Variants in SHROOM3 observed in about 807,000 individuals in gnomAD.
SHROOM3 encodes shroom family member 3.
In SHROOM3, 47 loss-of-function variants were observed where a neutral mutation model predicts 138.6. That is an observed-to-expected ratio of 0.34 (90% CI 0.27 to 0.43). SHROOM3 has a LOEUF of 0.43. Among genes scored for constraint, SHROOM3 ranks in the 20% least tolerant of loss-of-function variants. SHROOM3 has a pLI of 1.00. For missense variants in SHROOM3, 2,491 were observed against 2,596.5 expected (o/e 0.96, Z 0.88); for synonymous variants, 1,062 against 1,063.3 (o/e 1.00, Z 0.02).
chr4:76,534,096 C>T (rs1732889352), intron 1 of SHROOM3, among the ~76,000 whole-genome samples: 1 of 152,158 alleles, frequency 6.6e-6, no homozygotes, highest in South Asian at 2.1e-4. Context: ...AAAGACCTGG[C>T]CCAGTGCCTG....
chr4:76,765,610 G>C (rs530626654), intron 9 of SHROOM3, among the ~76,000 whole-genome samples: 1 of 152,266 alleles, frequency 6.6e-6, no homozygotes, highest in East Asian at 1.9e-4. Flanking sequence ...GACACACAGA[G>C]GCCAACTGTG....
intron 1 of SHROOM3, among the ~76,000 whole-genome samples, chr4:76,491,711 G>A (rs1012383143): frequency 7.9e-5 from 12 of 152,108 alleles, no homozygotes; most frequent in African/African-American, 2.9e-4. Flanking sequence ...CACCAGGACC[G>A]TCTGCCTCTC....
At chr4:76,553,256 GT>G (rs2110028020) in intron 1 of SHROOM3, among the ~76,000 whole-genome samples, 1 of 152,120 alleles carries the variant, frequency 6.6e-6, no homozygotes, top group African/African-American at 2.4e-5. Context: ...CCACCTCCTG[GT>G]TTCTTTTCTT....
chr4:76,688,714 TG>T, intron 2 of SHROOM3: 1 of 985,366 alleles, frequency 1.0e-6, no homozygotes, highest in Non-Finnish European at 1.2e-6. Context: ...GCAAAACAAA[TG>T]CAAATGGATA....
chr4:76,745,873 T>C (rs576413164), intron 5 of SHROOM3, among the ~76,000 whole-genome samples: 2 of 152,290 alleles, frequency 1.3e-5, no homozygotes, highest in East Asian at 3.9e-4. Context: ...CCCAGCTACT[T>C]GGGAGACTGA....
At chr4:76,609,817 G>C (rs1388660985) in intron 2 of SHROOM3, among the ~76,000 whole-genome samples, 1 of 152,112 alleles carries the variant, frequency 6.6e-6, no homozygotes, top group Non-Finnish European at 1.5e-5. Flanking sequence ...TATTCTGTCT[G>C]GAAGTAACAA....
intron 1 of SHROOM3, among the ~76,000 whole-genome samples, chr4:76,551,014 A>G (rs1255052568): frequency 6.7e-6 from 1 of 150,226 alleles, no homozygotes; most frequent in Non-Finnish European, 1.5e-5. Context: ...GCTAGGATGA[A>G]TTTTTTTTCG....
At chr4:76,493,224 CAAAAAAAAAA>C (rs35837765) in intron 1 of SHROOM3, among the ~76,000 whole-genome samples, 2 of 56,550 alleles carry the variant, frequency 3.5e-5, no homozygotes, top group African/African-American at 1.2e-4. Flanking sequence ...AACTCCATCT[CAAAAAAAAAA>C]AAAAAAAAAA....
At chr4:76,774,204 A>C (rs1262563347) in intron 10 of SHROOM3, among the ~76,000 whole-genome samples, 1 of 152,228 alleles carries the variant, frequency 6.6e-6, no homozygotes, top group Admixed American at 6.5e-5. Flanking sequence ...TATCTGAGAC[A>C]AGAAAGACTG....
At chr4:76,695,492 A>C (rs1041653760) in intron 2 of SHROOM3, among the ~76,000 whole-genome samples, 3 of 152,204 alleles carry the variant, frequency 2.0e-5, no homozygotes, top group African/African-American at 7.2e-5. Flanking sequence ...TGGATATTTC[A>C]TATTTCCTAT....
At chr4:76,666,609 A>G (rs973419468) in intron 2 of SHROOM3, among the ~76,000 whole-genome samples, 1 of 152,200 alleles carries the variant, frequency 6.6e-6, no homozygotes, top group African/African-American at 2.4e-5. Context: ...TTTTTTAAAA[A>G]GAGGAAATGC....
At chr4:76,729,302 C>G (rs373598184) in intron 3 of SHROOM3, among the ~76,000 whole-genome samples, 2 of 152,112 alleles carry the variant, frequency 1.3e-5, no homozygotes, top group East Asian at 1.9e-4. Context: ...GCCTCTCTCC[C>G]TCTCTTGAGA....
chr4:76,627,787 C>T (rs1735189734), intron 2 of SHROOM3, among the ~76,000 whole-genome samples: 1 of 152,022 alleles, frequency 6.6e-6, no homozygotes, highest in African/African-American at 2.4e-5. Flanking sequence ...ATCCTCCTGC[C>T]TCAGCCTCCC....
Position 76,710,298 on chromosome 4 carries a change from CG to C in SHROOM3, c.455+13del. ...TCGGCTGAAGCACAGGTAAGACGCA[CG>C]GAAGTTGGTGCTGGCAGTTCGGAAA... On this transcript the variant is annotated intron_variant, in intron 3 of 10. Coordinates refer to ENST00000296043, the MANE Select transcript of SHROOM3 (RefSeq NM_020859.4). 6.2e-7 allele frequency: 1 copy of C among 1,613,598 alleles called. No individual in the cohort carries two copies. The highest frequency in any genetic ancestry group is 8.5e-7 in the Non-Finnish European group (1 of 1,179,786).
intron 1 of SHROOM3, among the ~76,000 whole-genome samples, chr4:76,548,461 G>T (rs1733273746): frequency 6.6e-6 from 1 of 152,168 alleles, no homozygotes; most frequent in Non-Finnish European, 1.5e-5. Context: ...AAAGAGATGG[G>T]CCTGGCTTTC....
intron 4 of SHROOM3, among the ~76,000 whole-genome samples, chr4:76,732,374 T>C (rs1314825727): frequency 1.8e-4 from 28 of 152,198 alleles, no homozygotes; most frequent in Admixed American, 7.9e-4. Flanking sequence ...TTAATACTCA[T>C]GTCTGGTCAA....
At chr4:76,616,889 T>C (rs1734894515) in intron 2 of SHROOM3, among the ~76,000 whole-genome samples, 2 of 152,210 alleles carry the variant, frequency 1.3e-5, no homozygotes, top group South Asian at 2.1e-4. Flanking sequence ...GGTCTACCAA[T>C]TGGACTTCCC....
chr4:76,592,608 A>G lies in SHROOM3; in HGVS notation c.323+36845A>G, dbSNP rs1281883589. Among the ~76,000 whole-genome samples the G allele has an allele frequency of 3.9e-5, 6 of 152,326 alleles. No homozygotes were observed. The East Asian group carries it at 1.2e-3, about 29-fold the overall frequency. On this transcript the variant is annotated intron_variant, in intron 2 of 10. Coordinates refer to ENST00000296043, the MANE Select transcript of SHROOM3 (RefSeq NM_020859.4). ...AGTCTATATCGTCACACGTACAGAGAAAAAAAGCTTGCTTTTAAGAAATTG... is the reference window on the plus strand; with the variant it reads ...AGTCTATATCGTCACACGTACAGAGGAAAAAAGCTTGCTTTTAAGAAATTG...
At chr4:76,603,995 A>AC (rs1734566054) in intron 2 of SHROOM3, among the ~76,000 whole-genome samples, 1 of 151,240 alleles carries the variant, frequency 6.6e-6, no homozygotes. Context: ...AGCACCTGCC[A>AC]CCCCATCTCT....
Sources: allele counts gnomAD v4.1 joint callset (sites outside exome capture counted in the v4.1 genomes callset), GRCh38; gene constraint gnomAD v4.1.1; transcripts MANE v1.5; gene names NCBI Gene and HGNC (gene_info 2026-07-23, HGNC 2026-07-21).